The following CNIH3 variants were observed in gnomAD, a reference collection of about 807,000 sequenced individuals.
CNIH3 encodes cornichon family AMPA receptor auxiliary protein 3, also known as protein cornichon homolog 3.
Under a neutral mutation model 24.1 loss-of-function variants are expected in CNIH3, and 14 were observed. That is an observed-to-expected ratio of 0.58 (90% CI 0.38 to 0.91). The LOEUF (loss-of-function observed/expected upper bound fraction) is 0.91. Among genes scored for constraint, CNIH3 ranks in the 40% least tolerant of loss-of-function variants. The pLI is 0.00. For synonymous variants in CNIH3, 68 were observed against 73.8 expected (o/e 0.92, Z 0.40); for missense variants, 178 against 196.8 (o/e 0.90, Z 0.57).
intron 1 of CNIH3, among the ~76,000 whole-genome samples, chr1:224,672,741 A>G (rs12133496): frequency 0.22 from 32,875 of 152,134 alleles, 3,607 homozygotes; most frequent in East Asian, 0.26. Context: ...CCAGGTAGAT[A>G]TGAATTTTGG....
chr1:224,636,386 AG>A (rs1299932368), intron 1 of CNIH3, among the ~76,000 whole-genome samples: 1 of 152,112 alleles, frequency 6.6e-6, no homozygotes, highest in African/African-American at 2.4e-5. Flanking sequence ...TAACCTAGAG[AG>A]GTAAAGTGAC....
chr1:224,462,270 GA>G (rs1675946801), intron 1 of CNIH3, among the ~76,000 whole-genome samples: 1 of 152,162 alleles, frequency 6.6e-6, no homozygotes, highest in African/African-American at 2.4e-5. Context: ...CTTTAATGAT[GA>G]CATGTATCCA....
upstream of CNIH3, among the ~76,000 whole-genome samples, chr1:224,614,171 T>G (rs1282944960): frequency 6.6e-6 from 1 of 152,206 alleles, no homozygotes; most frequent in Non-Finnish European, 1.5e-5. Context: ...TAAACCACCA[T>G]GCCTGGCCAG....
intron 1 of CNIH3, among the ~76,000 whole-genome samples, chr1:224,478,802 C>T (rs1044315958): frequency 3.9e-5 from 6 of 152,186 alleles, no homozygotes; most frequent in Non-Finnish European, 7.3e-5. Context: ...TAAAGTTCCA[C>T]ATGGCTGGGG....
chr1:224,606,988 A>T (rs1440524865), intron 3 of CNIH3, among the ~76,000 whole-genome samples: 1 of 152,190 alleles, frequency 6.6e-6, no homozygotes, highest in Non-Finnish European at 1.5e-5. Flanking sequence ...AAGTTATTTT[A>T]AAGAAAAAGG....
At chr1:224,491,315 A>G (rs931107439) in intron 1 of CNIH3, among the ~76,000 whole-genome samples, 3 of 152,148 alleles carry the variant, frequency 2.0e-5, no homozygotes, top group African/African-American at 7.2e-5. Flanking sequence ...TCCATAAACC[A>G]CAGAATAAGT....
chr1:224,524,888 G>A (rs149966192), intron 2 of CNIH3, among the ~76,000 whole-genome samples: 3 of 152,242 alleles, frequency 2.0e-5, no homozygotes, highest in East Asian at 1.9e-4. Context: ...GAGCCCAAGC[G>A]ATGAGATCAG....
intron 1 of CNIH3, among the ~76,000 whole-genome samples, chr1:224,447,939 A>G (rs556006475): frequency 6.6e-6 from 1 of 152,360 alleles, no homozygotes; most frequent in South Asian, 2.1e-4. Flanking sequence ...GAGGGGCTAC[A>G]TAATTTGCCC....
intron 5 of CNIH3, among the ~76,000 whole-genome samples, chr1:224,584,877 A>T (rs1681431982): frequency 2.0e-5 from 3 of 152,336 alleles, no homozygotes; most frequent in South Asian, 4.1e-4. Flanking sequence ...TGAGGATAGG[A>T]CCAAGGGACA....
In CNIH3 at chr1:224,703,227, G is replaced by A. The variant is rs56912045; in HGVS notation, c.198+18384G>A. 6.2e-3 allele frequency among the ~76,000 whole-genome samples: 937 copies of A among 152,182 alleles called. 4 individuals carry two copies. The highest frequency in any genetic ancestry group is 0.019 in the African/African-American group (804 of 41,524). ...GTGACCTAGTGTCTGTGCATCCCAC[G>A]TGGGCCTGCACTCATGAGGGCAGAG... On this transcript the variant is annotated intron_variant, in intron 3 of 5. Coordinates refer to ENST00000272133, the MANE Select transcript of CNIH3 (RefSeq NM_152495.2). The surrounding 1 kb of genome is among the most constrained non-coding windows in gnomAD (Gnocchi z 4.2).
At chr1:224,685,635 C>G (rs1686619115) in intron 3 of CNIH3, among the ~76,000 whole-genome samples, 1 of 152,170 alleles carries the variant, frequency 6.6e-6, no homozygotes, top group African/African-American at 2.4e-5. Context: ...ATTTTTTGAG[C>G]CTTACATGAA....
intron 4 of CNIH3, among the ~76,000 whole-genome samples, chr1:224,730,906 C>T (rs549881516): frequency 6.6e-6 from 1 of 152,232 alleles, no homozygotes; most frequent in Non-Finnish European, 1.5e-5. Flanking sequence ...TATATCCATA[C>T]AATGGAATAC....
chr1:224,463,681 A>G (rs1201402776), intron 1 of CNIH3, among the ~76,000 whole-genome samples: 1 of 138,918 alleles, frequency 7.2e-6, no homozygotes, highest in African/African-American at 2.7e-5. Context: ...TGCTGGGATT[A>G]TTGGTGTGAG....
chr1:224,569,505 C>T (rs1016713993), intron 4 of CNIH3, among the ~76,000 whole-genome samples: 2 of 152,146 alleles, frequency 1.3e-5, no homozygotes, highest in African/African-American at 4.8e-5. Context: ...GTATGAGTCC[C>T]TTTGTGCACA....
intron 4 of CNIH3, chr1:224,575,023 A>T: frequency 1.1e-6 from 1 of 873,018 alleles, no homozygotes. Flanking sequence ...ACTCAGGAGA[A>T]GTTAATCCAG....
chr1:224,610,821 T>C (rs1373285549), intron 3 of CNIH3, among the ~76,000 whole-genome samples: 1 of 152,046 alleles, frequency 6.6e-6, no homozygotes, highest in African/African-American at 2.4e-5. Flanking sequence ...AGAAAAAGTG[T>C]GATGTAATTT....
At chr1:224,498,658 ACAGT>A (rs779911085) in intron 1 of CNIH3, among the ~76,000 whole-genome samples, 5 of 152,202 alleles carry the variant, frequency 3.3e-5, no homozygotes, top group African/African-American at 1.2e-4. Context: ...TGTAAATGAA[ACAGT>A]CAGTTTGGAA....
chr1:224,455,321 G>A (rs1328429051), intron 1 of CNIH3, among the ~76,000 whole-genome samples: 1 of 152,170 alleles, frequency 6.6e-6, no homozygotes, highest in Non-Finnish European at 1.5e-5. Flanking sequence ...TTGAATGAGT[G>A]AGGTGGGGGC....
chr1:224,605,727 G>A (rs1193244131), intron 3 of CNIH3, among the ~76,000 whole-genome samples: 1 of 151,822 alleles, frequency 6.6e-6, no homozygotes, highest in East Asian at 1.9e-4. Context: ...CCACCCAGAA[G>A]GGGACTCAGT....
Sources: gnomAD v4.1 joint callset for allele counts (sites outside exome capture counted in the v4.1 genomes callset) on GRCh38, gnomAD v4.1.1 for gene constraint, Gnocchi (gnomAD v3.1) non-coding constraint, MANE v1.5 for transcripts, NCBI Gene and HGNC (gene_info 2026-07-23, HGNC 2026-07-21) for gene names.